Variants in EML5 observed in about 807,000 individuals in gnomAD.
The protein encoded by EML5 is EMAP like 5, also known as echinoderm microtubule-associated protein-like 5.
In EML5, 120 loss-of-function variants were observed where a neutral mutation model predicts 250.0. That is an observed-to-expected ratio of 0.48 (90% CI 0.41 to 0.56). EML5 has a LOEUF of 0.56. EML5 is among the 20% of genes least tolerant of loss of function. The pLI is 0.00. For synonymous variants in EML5, 771 were observed against 806.5 expected (o/e 0.96, Z 0.75); for missense variants, 2,006 against 2,437.6 (o/e 0.82, Z 3.73).
intron 5 of EML5, among the ~76,000 whole-genome samples, chr14:88,739,358 T>C (rs1021673310): frequency 5.9e-5 from 9 of 152,154 alleles, no homozygotes; most frequent in African/African-American, 2.2e-4. Flanking sequence ...TATGCAGGTT[T>C]CCCAGGGCAA....
chr14:88,718,263 G>A (rs1452242104), intron 8 of EML5, among the ~76,000 whole-genome samples: 1 of 152,172 alleles, frequency 6.6e-6, no homozygotes, highest in Non-Finnish European at 1.5e-5. Flanking sequence ...CGAGTTTTGA[G>A]ATAACAGCTG....
At chr14:88,645,399 G>C (rs956511028) in intron 29 of EML5, among the ~76,000 whole-genome samples, 2 of 152,194 alleles carry the variant, frequency 1.3e-5, no homozygotes, top group African/African-American at 4.8e-5. Context: ...ATAAACAAAT[G>C]TGAAAATGTT....
At chr14:88,761,562 T>C (rs1177782927) in intron 1 of EML5, among the ~76,000 whole-genome samples, 1 of 152,222 alleles carries the variant, frequency 6.6e-6, no homozygotes, top group Non-Finnish European at 1.5e-5. Flanking sequence ...TTCCATGGTG[T>C]GTATGTGCCA....
intron 21 of EML5, among the ~76,000 whole-genome samples, chr14:88,680,315 GA>G (rs563374413): frequency 6.6e-6 from 1 of 151,770 alleles, no homozygotes; most frequent in Non-Finnish European, 1.5e-5. Flanking sequence ...TATCTCAGGA[GA>G]AAAAAACAGA....
At chr14:88,680,178 T>C (rs1346860002) in intron 21 of EML5, among the ~76,000 whole-genome samples, 4 of 152,196 alleles carry the variant, frequency 2.6e-5, no homozygotes, top group African/African-American at 4.8e-5. Flanking sequence ...GTTTCACTAA[T>C]TTTTACTTTA....
rs539534649 is a variant in EML5 at position 88,712,220 on chromosome 14, G to A, written c.1657+51C>T. 2.4e-5 allele frequency: 32 copies of A among 1,308,524 alleles called. No homozygotes were observed. The South Asian group carries it at 3.2e-4, about 13-fold the overall frequency. 81.1% of individuals were successfully genotyped at this position (1,308,524 alleles called of 1,614,324 possible). A position where few individuals can be genotyped will look rare whatever the true frequency, so the allele number is the denominator to read the frequency against. ...CAAGACTAATTTTCTGCAAGAACAC[G>A]AAAGTCTTCTGTGAGAGAGAGGTTA... On this transcript the variant is annotated intron_variant, in intron 10 of 43. Transcript: ENST00000554922.
chr14:88,703,350 T>C (rs1426440499), intron 13 of EML5, among the ~76,000 whole-genome samples: 2 of 152,090 alleles, frequency 1.3e-5, no homozygotes, highest in African/African-American at 4.8e-5. Context: ...AGGGCAGAGG[T>C]GGGAGAAAGA....
intron 24 of EML5, among the ~76,000 whole-genome samples, chr14:88,662,326 C>A (rs1595423068): frequency 1.2e-4 from 13 of 109,224 alleles, no homozygotes; most frequent in East Asian, 9.1e-4. Context: ...CAAAATGCAA[C>A]ACAATTTTTC....
At position 88,792,409 on chromosome 14, in the gene EML5, G is replaced by A. The variant is rs1284244965; in HGVS notation, c.95C>T (p.Ala32Val). ...CACGAAGTATACGATCTCCTTGGCC[G>A]CAGTGTAGTAGAGGTTGTTGCGGCA... ...HQCRNNLYYT[A>V]AKEIVYFVAG... is the part of the protein sequence containing the mutation. Residue 32 changes from alanine (A) to valine (V), a missense_variant, in exon 1 of 44, where the codon GCG (alanine) becomes GTG (valine). Physicochemically the swap from Ala to Val is moderately conservative, Grantham distance 64 (BLOSUM62 0). Transcript: ENST00000554922. The surrounding 1 kb of genome is among the most constrained non-coding windows in gnomAD (Gnocchi z 6.9). 51 of 1,562,522 alleles carry A rather than the reference G, an allele frequency of 3.3e-5. No individual in the cohort carries two copies. The Admixed American group carries it at 8.7e-4, about 27-fold the overall frequency.
chr14:88,710,613 C>G (rs796931471), intron 10 of EML5, among the ~76,000 whole-genome samples: 1 of 152,106 alleles, frequency 6.6e-6, no homozygotes. Flanking sequence ...TCTTAAAATA[C>G]TTATATTAAT....
At chr14:88,681,381 T>G (rs565471609) in intron 21 of EML5, among the ~76,000 whole-genome samples, 1 of 152,158 alleles carries the variant, frequency 6.6e-6, no homozygotes, top group Non-Finnish European at 1.5e-5. Context: ...CAGGCCGAGG[T>G]GGGCAGATCA....
At chr14:88,633,927 A>G (rs2090580178) in intron 33 of EML5, among the ~76,000 whole-genome samples, 1 of 152,096 alleles carries the variant, frequency 6.6e-6, no homozygotes, top group South Asian at 2.1e-4. Context: ...AACCATTACT[A>G]TTACCACAGA....
intron 36 of EML5, chr14:88,623,786 G>A (rs973965354): frequency 6.6e-6 from 1 of 152,212 alleles, no homozygotes; most frequent in Non-Finnish European, 1.5e-5. Flanking sequence ...CACTGGAACA[G>A]TTTAGCAGGC....
At chr14:88,761,411 T>A (rs1190397297) in intron 1 of EML5, among the ~76,000 whole-genome samples, 1 of 152,192 alleles carries the variant, frequency 6.6e-6, no homozygotes, top group Non-Finnish European at 1.5e-5. Flanking sequence ...CCATATGTTC[T>A]CATTGTTCAA....
chr14:88,721,730 G>A (rs114984584), intron 8 of EML5, among the ~76,000 whole-genome samples: 1,574 of 152,082 alleles, frequency 0.01, 25 homozygotes, highest in African/African-American at 0.036. Context: ...TGAAGAAATC[G>A]CTAAAAGCAG....
chr14:88,678,589 TG>T (rs1316815582), intron 21 of EML5, among the ~76,000 whole-genome samples: 3 of 152,204 alleles, frequency 2.0e-5, no homozygotes, highest in African/African-American at 7.2e-5. Flanking sequence ...TTCAAATTTT[TG>T]TTAATTTTAG....
At chr14:88,749,473 A>G (rs1176225846) in intron 2 of EML5, among the ~76,000 whole-genome samples, 1 of 152,206 alleles carries the variant, frequency 6.6e-6, no homozygotes, top group Non-Finnish European at 1.5e-5. Context: ...GATACCAAAT[A>G]GAAACAACTT....
At chr14:88,642,575 G>T (rs973088388) in intron 31 of EML5, among the ~76,000 whole-genome samples, 1 of 151,944 alleles carries the variant, frequency 6.6e-6, no homozygotes, top group Non-Finnish European at 1.5e-5. Context: ...TGAGGTTATG[G>T]GAAAATAGAA....
chr14:88,731,158 G>A (rs930013427), intron 7 of EML5, among the ~76,000 whole-genome samples: 6 of 151,976 alleles, frequency 3.9e-5, no homozygotes, highest in Non-Finnish European at 7.4e-5. Flanking sequence ...CCATGTTGGT[G>A]TGCTGCACTC....
Sources: gnomAD v4.1 joint callset for allele counts (sites outside exome capture counted in the v4.1 genomes callset) on GRCh38, gnomAD v4.1.1 for gene constraint, Gnocchi (gnomAD v3.1) non-coding constraint, MANE v1.5 for transcripts, NCBI Gene and HGNC (gene_info 2026-07-23, HGNC 2026-07-21) for gene names.